The following PTPRD variants were observed in gnomAD, a reference collection of about 807,000 sequenced individuals.
PTPRD encodes receptor-type tyrosine-protein phosphatase delta.
A neutral mutation model predicts 214.5 loss-of-function variants in PTPRD; 34 were observed. That is an observed-to-expected ratio of 0.16 (90% CI 0.12 to 0.21). The LOEUF is 0.21. Ranked by LOEUF, PTPRD falls within the 10% of genes least tolerant of loss-of-function variation. The pLI is 1.00. For synonymous variants in PTPRD, 1,128 were observed against 845.7 expected, an observed-to-expected ratio of 1.33 and a Z score of -5.79; for missense variants, 2,545 against 2,398.7, an observed-to-expected ratio of 1.06 and a Z score of -1.27.
chr9:9,716,540 G>A (rs1215546253), intron 7 of PTPRD, among the ~76,000 whole-genome samples: 3 of 152,120 alleles, frequency 2.0e-5, no homozygotes, highest in Non-Finnish European at 4.4e-5. Context: ...TTTAATGATT[G>A]CCGTTCTAAC....
intron 11 of PTPRD, among the ~76,000 whole-genome samples, chr9:8,787,772 T>G (rs777730926): frequency 5.9e-5 from 9 of 152,150 alleles, no homozygotes; most frequent in Non-Finnish European, 1.0e-4. Flanking sequence ...GTATGTGTAC[T>G]GACTCTACCC....
At chr9:9,131,717 T>G (rs1331835911) in intron 10 of PTPRD, among the ~76,000 whole-genome samples, 1 of 152,220 alleles carries the variant, frequency 6.6e-6, no homozygotes, top group Admixed American at 6.5e-5. Context: ...AAAATCTCAA[T>G]TGTAAATATC....
At chr9:10,581,760 G>A (rs1414829448) in intron 2 of PTPRD, among the ~76,000 whole-genome samples, 1 of 151,986 alleles carries the variant, frequency 6.6e-6, no homozygotes, top group Non-Finnish European at 1.5e-5. Flanking sequence ...TCATTTCTGA[G>A]GAATATAAGG....
At chr9:9,788,172 A>G (rs1032230773) in intron 5 of PTPRD, among the ~76,000 whole-genome samples, 2 of 151,670 alleles carry the variant, frequency 1.3e-5, no homozygotes, top group African/African-American at 4.8e-5. Flanking sequence ...CTTTCCTTTT[A>G]TTGTTTTATA....
intron 2 of PTPRD, among the ~76,000 whole-genome samples, chr9:10,416,455 G>C (rs916789416): frequency 1.3e-5 from 2 of 151,786 alleles, no homozygotes; most frequent in Non-Finnish European, 2.9e-5. Flanking sequence ...GAAATAATTT[G>C]AAAGAAGTTG....
At chr9:9,928,755 T>TACACACACACAC (rs545488105) in intron 5 of PTPRD, among the ~76,000 whole-genome samples, 3,891 of 109,552 alleles carry the variant, frequency 0.036, 189 homozygotes, top group African/African-American at 0.14. Context: ...TCTCTCTCTC[T>TACACACACACAC]ATACACACAC....
chr9:8,980,904 G>A (rs549300397), intron 11 of PTPRD, among the ~76,000 whole-genome samples: 2 of 152,078 alleles, frequency 1.3e-5, no homozygotes, highest in Admixed American at 1.3e-4. Flanking sequence ...CATTTTTTCA[G>A]GCCAAAATTC....
chr9:10,126,106 A>C lies in PTPRD; in HGVS notation c.-544-92316T>G, dbSNP rs1423683544. ...TTCTTTAGCATTTGGCATGTATCCA[A>C]ACTTAGTGATTCAAATATCAATCCA... On this transcript the variant is annotated intron_variant, in intron 3 of 45. Coordinates refer to ENST00000381196, the MANE Select transcript of PTPRD (RefSeq NM_002839.4). Among the ~76,000 whole-genome samples the C allele has an allele frequency of 6.6e-5, 10 of 152,252 alleles. No homozygotes were observed. The East Asian group carries it at 1.9e-3, about 29-fold the overall frequency.
At chr9:9,479,443 C>T (rs2095300235) in intron 8 of PTPRD, among the ~76,000 whole-genome samples, 1 of 151,882 alleles carries the variant, frequency 6.6e-6, no homozygotes, top group African/African-American at 2.4e-5. Context: ...ATAACAGTTA[C>T]CAGTTGTTGA....
intron 9 of PTPRD, among the ~76,000 whole-genome samples, chr9:9,301,108 T>C (rs919569184): frequency 4.6e-5 from 7 of 151,838 alleles, no homozygotes; most frequent in African/African-American, 1.7e-4. Context: ...ATTCTTGTGA[T>C]TAATTAACCT....
At position 9,968,431 on chromosome 9, in the gene PTPRD, C is replaced by T. The variant is rs536705163; in HGVS notation, c.-471-29821G>A. On this transcript the variant is annotated intron_variant, in intron 4 of 45. Transcript: ENST00000381196. ...TTAAAACATACACCTGTAAAATAAT[C>T]AAGAAAATATATTTGCATATCTAAT... Among the ~76,000 whole-genome samples, 3 of 152,220 alleles carry T rather than the reference C, an allele frequency of 2.0e-5. No homozygotes were observed. The South Asian group carries it at 6.2e-4, about 32-fold the overall frequency.
chr9:10,026,849 G>A (rs1272281058), intron 4 of PTPRD, among the ~76,000 whole-genome samples: 1 of 151,228 alleles, frequency 6.6e-6, no homozygotes. Flanking sequence ...TAAGACACTT[G>A]GTTTAGTGAG....
chr9:9,749,024 T>G (rs2098486398), intron 6 of PTPRD, among the ~76,000 whole-genome samples: 1 of 107,774 alleles, frequency 9.3e-6, no homozygotes, highest in African/African-American at 6.3e-5. Flanking sequence ...ATGTGGAGTA[T>G]AATCTCCCTT....
intron 11 of PTPRD, among the ~76,000 whole-genome samples, chr9:8,879,371 C>CTGCAT (rs1182428083): frequency 6.6e-6 from 1 of 152,136 alleles, no homozygotes; most frequent in East Asian, 1.9e-4. Context: ...AGGCTTGGCT[C>CTGCAT]TGCATTCATT....
chr9:10,372,679 T>C (rs1417818577), intron 2 of PTPRD, among the ~76,000 whole-genome samples: 2 of 151,966 alleles, frequency 1.3e-5, no homozygotes, highest in African/African-American at 2.4e-5. Flanking sequence ...AGTGAGTATG[T>C]TACAAAATGG....
chr9:9,630,103 A>G (rs1047455573), intron 7 of PTPRD, among the ~76,000 whole-genome samples: 2 of 152,192 alleles, frequency 1.3e-5, no homozygotes, highest in Non-Finnish European at 2.9e-5. Flanking sequence ...GATTATATGG[A>G]AACACATGCA....
At chr9:8,694,924 G>A (rs890487439) in intron 12 of PTPRD, among the ~76,000 whole-genome samples, 4 of 152,150 alleles carry the variant, frequency 2.6e-5, no homozygotes, top group Middle Eastern at 3.4e-3. Flanking sequence ...AAACATATCC[G>A]TCAAAATATT....
intron 8 of PTPRD, among the ~76,000 whole-genome samples, chr9:9,533,114 C>T (rs902758512): frequency 6.6e-6 from 1 of 152,060 alleles, no homozygotes; most frequent in African/African-American, 2.4e-5. Context: ...GATAGCAGTG[C>T]TATTACTTGT....
intron 3 of PTPRD, among the ~76,000 whole-genome samples, chr9:10,046,287 C>A (rs1316020539): frequency 1.3e-5 from 2 of 151,644 alleles, no homozygotes; most frequent in Admixed American, 6.6e-5. Context: ...TTTAAGATTT[C>A]CCTGGGTAAA....
Sources: allele counts gnomAD v4.1 joint callset (sites outside exome capture counted in the v4.1 genomes callset), GRCh38; gene constraint gnomAD v4.1.1; transcripts MANE v1.5; gene names NCBI Gene and HGNC (gene_info 2026-07-23, HGNC 2026-07-21).